The following SYTL3 variants were observed in gnomAD, a reference collection of about 807,000 sequenced individuals.
SYTL3 encodes synaptotagmin-like protein 3.
A neutral mutation model predicts 82.1 loss-of-function variants in SYTL3; 88 were observed. The ratio of observed to expected loss-of-function variants is 1.07; its 90% CI spans 0.90 to 1.28. The LOEUF is 1.28. Ranked by LOEUF, SYTL3 falls within the 50% of genes most tolerant of loss-of-function variation. SYTL3 has a pLI of 0.00. For missense variants in SYTL3, 831 were observed against 757.6 expected (o/e 1.10, Z -1.14); for synonymous variants, 311 against 289.4 (o/e 1.07, Z -0.76).
intron 4 of SYTL3, among the ~76,000 whole-genome samples, chr6:158,664,818 C>T (rs757861846): frequency 1.1e-4 from 16 of 152,020 alleles, no homozygotes; most frequent in Non-Finnish European, 4.4e-5. Flanking sequence ...CATAAAAGAG[C>T]GTGCTAGTAA....
chr6:158,655,935 G>T (rs1301289225), intron 2 of SYTL3, among the ~76,000 whole-genome samples: 1 of 152,200 alleles, frequency 6.6e-6, no homozygotes, highest in Non-Finnish European at 1.5e-5. Context: ...TGGGGCCGAT[G>T]CGTGGAAATG....
At chr6:158,677,763 CTG>C (rs1266355098) in intron 5 of SYTL3, among the ~76,000 whole-genome samples, 1 of 145,882 alleles carries the variant, frequency 6.9e-6, no homozygotes, top group African/African-American at 2.5e-5. Context: ...AAAAATCCAA[CTG>C]TATGCTTGCA....
At chr6:158,704,321 C>G (rs1781706193) in intron 6 of SYTL3, among the ~76,000 whole-genome samples, 1 of 152,242 alleles carries the variant, frequency 6.6e-6, no homozygotes, top group African/African-American at 2.4e-5. Context: ...GCAACGTTCC[C>G]TCTCCAGCCT....
rs978662760 is a variant in SYTL3 at position 158,663,265 on chromosome 6, A to C, written c.-4A>C. 6.2e-7 allele frequency: 1 copy of C among 1,614,084 alleles called. No individual in the cohort carries two copies. On this transcript the variant is annotated 5_prime_UTR_variant, in exon 4 of 18. Coordinates refer to ENST00000611299, the MANE Select transcript of SYTL3 (RefSeq NM_001242394.2). ...CAACCTGGGTCAACGAAAACGGAGA[A>C]GAAATGGCCCAAGAAATAGATCTGA...
At chr6:158,729,788 G>A (rs965117630) in intron 11 of SYTL3, among the ~76,000 whole-genome samples, 2 of 151,680 alleles carry the variant, frequency 1.3e-5, no homozygotes. Context: ...GGATGGTCTT[G>A]ATCTCCTGAC....
At chr6:158,753,774 T>A (rs989839696) in intron 13 of SYTL3, among the ~76,000 whole-genome samples, 1 of 150,838 alleles carries the variant, frequency 6.6e-6, no homozygotes, top group Non-Finnish European at 1.5e-5. Flanking sequence ...AGTTAAAAGG[T>A]TACCTACCTT....
At chr6:158,747,049 C>T (rs371256583) in intron 12 of SYTL3, among the ~76,000 whole-genome samples, 1 of 152,098 alleles carries the variant, frequency 6.6e-6, no homozygotes, top group African/African-American at 2.4e-5. Flanking sequence ...TGTATTGGCA[C>T]GATGTCAGCT....
At position 158,663,612 on chromosome 6, in the gene SYTL3, G is replaced by C. The variant is rs756895470; in HGVS notation, c.110+234G>C. ...GCCGCTCTTGTTATTCATTTAAAAC[G>C]GTGCCTTTGGGCGGTAAGTTTGCTG... On this transcript the variant is annotated intron_variant, in intron 4 of 17. Coordinates refer to ENST00000611299, the MANE Select transcript of SYTL3 (RefSeq NM_001242394.2). The C allele has an allele frequency of 4.1e-6, 4 of 985,074 alleles. No homozygotes were observed. In the African/African-American group the frequency reaches 7.0e-5, roughly 17 times the overall value. 61.0% of individuals were successfully genotyped at this position (985,074 alleles called of 1,614,324 possible).
chr6:158,727,401 C>T (rs1328620522), intron 11 of SYTL3, among the ~76,000 whole-genome samples: 1 of 151,780 alleles, frequency 6.6e-6, no homozygotes, highest in Non-Finnish European at 1.5e-5. Flanking sequence ...GAACTCTTGA[C>T]CTCAAGTGAT....
At chr6:158,744,304 C>CTTTTTTTTTTTTTTTTTTTTTTTT (rs869182913) in intron 11 of SYTL3, among the ~76,000 whole-genome samples, 9 of 99,208 alleles carry the variant, frequency 9.1e-5, no homozygotes, top group Non-Finnish European at 1.7e-4. Flanking sequence ...CTTTTTCTTT[C>CTTTTTTTTTTTTTTTTTTTTTTTT]TTTTTTTTTT....
At chr6:158,648,607 A>G (rs6934639), upstream of SYTL3, among the ~76,000 whole-genome samples, 1 of 127,344 alleles carries the variant, frequency 7.9e-6, no homozygotes, top group East Asian at 2.2e-4. Context: ...AAAAAAAAAA[A>G]AATAATAATA....
chr6:158,692,074 G>A (rs1779942170), intron 6 of SYTL3, among the ~76,000 whole-genome samples: 2 of 146,948 alleles, frequency 1.4e-5, no homozygotes, highest in South Asian at 4.3e-4. Flanking sequence ...TGGCTAACAC[G>A]GTGAAACCCC....
At chr6:158,762,249 G>C in intron 16 of SYTL3, 71 bp downstream of exon 16, 2 of 1,117,104 alleles carry the variant, frequency 1.8e-6, no homozygotes, top group South Asian at 2.8e-5. Flanking sequence ...AGAACCTGCA[G>C]CGAACACTAA....
Position 158,665,541 on chromosome 6 carries a change from GC to G in SYTL3, c.258del (p.Val87CysfsTer9). 6.3e-7 allele frequency: 1 copy of G among 1,588,098 alleles called. No homozygotes were observed. Among genetic ancestry groups the G allele is most frequent in the South Asian group, 1.1e-5 (1 of 87,092 alleles). On this transcript the variant is annotated frameshift_variant, in exon 5 of 18. Transcript: ENST00000611299. LOFTEE classifies it high-confidence loss of function. ...RGAVCRGCSH[R>X]VCAQCRVFLR... ...GCCGTGTGCCGGGGCTGCAGCCACC[GC>G]GTGTGTGCCCAGTGCCGAGTGTTCC...
intron 5 of SYTL3, among the ~76,000 whole-genome samples, chr6:158,669,245 G>A (rs2067750): frequency 0.033 from 5,055 of 152,262 alleles, 268 homozygotes; most frequent in African/African-American, 0.11. Flanking sequence ...AATATACTGT[G>A]TCATAACTAA....
At chr6:158,650,352 G>A (rs1787844273) in intron 1 of SYTL3, among the ~76,000 whole-genome samples, 1 of 151,962 alleles carries the variant, frequency 6.6e-6, no homozygotes, top group South Asian at 2.1e-4. Flanking sequence ...CTATCCAAAA[G>A]CTATATGGTG....
chr6:158,732,807 C>A (rs1785581893), intron 11 of SYTL3, among the ~76,000 whole-genome samples: 2 of 152,326 alleles, frequency 1.3e-5, no homozygotes, highest in South Asian at 4.1e-4. Context: ...CTTTACTAGA[C>A]ACTCTGCCAA....
upstream of SYTL3, among the ~76,000 whole-genome samples, chr6:158,649,340 C>G (rs538572209): frequency 6.6e-6 from 1 of 152,342 alleles, no homozygotes; most frequent in Admixed American, 6.5e-5. Context: ...CATGTCTTCT[C>G]CATGCTGAGA....
intron 11 of SYTL3, among the ~76,000 whole-genome samples, chr6:158,733,819 C>T (rs1230534042): frequency 6.0e-5 from 9 of 149,826 alleles, no homozygotes; most frequent in South Asian, 2.1e-4. Flanking sequence ...CCCTTTTGGC[C>T]GGGCGCGGTG....
Sources: allele counts gnomAD v4.1 joint callset (sites outside exome capture counted in the v4.1 genomes callset), GRCh38; gene constraint gnomAD v4.1.1; transcripts MANE v1.5; gene names NCBI Gene and HGNC (gene_info 2026-07-23, HGNC 2026-07-21).